Variants in VAV3 observed in about 807,000 individuals in gnomAD.
VAV3 encodes the protein guanine nucleotide exchange factor VAV3.
In VAV3, 94 loss-of-function variants were observed where a neutral mutation model predicts 131.2. The ratio of observed to expected loss-of-function variants is 0.72; its 90% CI spans 0.61 to 0.85. The LOEUF is 0.85. Ranked by LOEUF, VAV3 falls within the 40% of genes least tolerant of loss-of-function variation. The pLI is 0.00. For missense variants in VAV3, 939 were observed against 1,002.7 expected (o/e 0.94, Z 0.86); for synonymous variants, 349 against 342.0 (o/e 1.02, Z -0.22).
At chr1:107,593,845 G>C (rs1172971645) in intron 25 of VAV3, among the ~76,000 whole-genome samples, 1 of 152,030 alleles carries the variant, frequency 6.6e-6, no homozygotes, top group East Asian at 1.9e-4. Flanking sequence ...AGAAATATAG[G>C]AAAGTACTGT....
At chr1:107,903,129 G>A (rs527638408) in intron 1 of VAV3, among the ~76,000 whole-genome samples, 1 of 152,226 alleles carries the variant, frequency 6.6e-6, no homozygotes, top group Non-Finnish European at 1.5e-5. Context: ...ACATGGGAAT[G>A]TGCTATAGAG....
chr1:107,606,088 A>G (rs193094185), intron 22 of VAV3, among the ~76,000 whole-genome samples: 9 of 152,114 alleles, frequency 5.9e-5, no homozygotes, highest in Non-Finnish European at 1.0e-4. Context: ...CTCTTCCTTG[A>G]TTTACTAGCT....
intron 25 of VAV3, among the ~76,000 whole-genome samples, chr1:107,580,319 C>A (rs530437840): frequency 6.6e-6 from 1 of 152,250 alleles, no homozygotes; most frequent in South Asian, 2.1e-4. Context: ...CCAACAAAGG[C>A]CAGCAAAACA....
At chr1:107,698,893 C>G (rs1348862891) in intron 17 of VAV3, among the ~76,000 whole-genome samples, 1 of 152,142 alleles carries the variant, frequency 6.6e-6, no homozygotes, top group Admixed American at 6.5e-5. Context: ...AGAACTTATT[C>G]ACTATCATGA....
chr1:107,697,660 A>T (rs944792992), intron 17 of VAV3, among the ~76,000 whole-genome samples: 1 of 152,154 alleles, frequency 6.6e-6, no homozygotes, highest in South Asian at 2.1e-4. Flanking sequence ...TTATTTTCAT[A>T]TATTTATGAC....
chr1:107,782,220 C>T (rs1053539195), intron 2 of VAV3, among the ~76,000 whole-genome samples: 2 of 152,122 alleles, frequency 1.3e-5, no homozygotes, highest in African/African-American at 2.4e-5. Context: ...TTTTATATAG[C>T]AATGCATTTT....
intron 15 of VAV3, among the ~76,000 whole-genome samples, chr1:107,737,499 A>C (rs1237237039): frequency 6.6e-6 from 1 of 152,238 alleles, no homozygotes; most frequent in African/African-American, 2.4e-5. Flanking sequence ...GAACTCAAAC[A>C]AATTTACAAG....
Position 107,768,497 on chromosome 1 carries a change from G to A in VAV3, c.661C>T (p.Pro221Ser). ...GCTGCTGTCAGAAATCTTTTTAGTG[G>A]TGCCATGAAATACTACCAGGAAAGA... ...LESIEKYFMAPLKRFLTAAEF... is the reference protein window; with the variant it reads ...LESIEKYFMASLKRFLTAAEF... The change falls in exon 7 of 27, where the codon CCA becomes TCA. Residue 221 changes from proline (P) to serine (S), a missense_variant. Coordinates refer to ENST00000370056, the MANE Select transcript of VAV3 (RefSeq NM_006113.5). 2 of 1,611,918 alleles carry A rather than the reference G, an allele frequency of 1.2e-6. No homozygotes were observed. Among genetic ancestry groups the A allele is most frequent in the East Asian group, 2.2e-5 (1 of 44,690 alleles).
chr1:107,944,227 C>T (rs1462885901), intron 1 of VAV3, among the ~76,000 whole-genome samples: 2 of 152,238 alleles, frequency 1.3e-5, no homozygotes, highest in Non-Finnish European at 2.9e-5. Flanking sequence ...CTCTCATCTT[C>T]TACTTACCCT....
intron 2 of VAV3, among the ~76,000 whole-genome samples, chr1:107,853,770 A>G (rs1443160210): frequency 6.6e-6 from 1 of 152,196 alleles, no homozygotes; most frequent in African/African-American, 2.4e-5. Flanking sequence ...ACACAATCCT[A>G]TATTAGGGCT....
At chr1:107,905,626 A>C (rs1672069485) in intron 1 of VAV3, among the ~76,000 whole-genome samples, 1 of 152,206 alleles carries the variant, frequency 6.6e-6, no homozygotes, top group Non-Finnish European at 1.5e-5. Flanking sequence ...AAGACATGGG[A>C]AATACTTTAA....
intron 1 of VAV3, among the ~76,000 whole-genome samples, chr1:107,912,907 A>G (rs1672435183): frequency 1.3e-5 from 2 of 152,206 alleles, no homozygotes; most frequent in African/African-American, 4.8e-5. Context: ...TTTCCACAGC[A>G]TCAAAACCAC....
At chr1:107,914,711 C>A (rs1459358949) in intron 1 of VAV3, among the ~76,000 whole-genome samples, 1 of 152,204 alleles carries the variant, frequency 6.6e-6, no homozygotes, top group Non-Finnish European at 1.5e-5. Context: ...AAATTTACTT[C>A]AAGCCTCAAT....
intron 2 of VAV3, among the ~76,000 whole-genome samples, chr1:107,812,708 A>G (rs1255006711): frequency 1.3e-5 from 2 of 152,230 alleles, no homozygotes; most frequent in Admixed American, 6.5e-5. Flanking sequence ...TCATCAACCA[A>G]GAACCTATTA....
At chr1:107,662,763 A>G (rs972376315) in intron 19 of VAV3, among the ~76,000 whole-genome samples, 3 of 152,214 alleles carry the variant, frequency 2.0e-5, no homozygotes, top group Admixed American at 1.3e-4. Context: ...CCTAATGGGT[A>G]GAAAAAGACA....
At chr1:107,820,258 C>T (rs1283229146) in intron 2 of VAV3, among the ~76,000 whole-genome samples, 1 of 152,098 alleles carries the variant, frequency 6.6e-6, no homozygotes, top group Non-Finnish European at 1.5e-5. Flanking sequence ...TACATATACA[C>T]AATAGAGTAC....
At chr1:107,685,078 AT>A (rs1268229218) in intron 18 of VAV3, among the ~76,000 whole-genome samples, 3 of 152,282 alleles carry the variant, frequency 2.0e-5, no homozygotes, top group Middle Eastern at 3.4e-3. Context: ...AAAAAAATGA[AT>A]TTAACTCTTT....
At chr1:107,577,917 A>T (rs1385684680) in intron 25 of VAV3, among the ~76,000 whole-genome samples, 1 of 152,222 alleles carries the variant, frequency 6.6e-6, no homozygotes, top group East Asian at 1.9e-4. Flanking sequence ...TTCTACAGCC[A>T]AGCATGAGGT....
At chr1:107,663,909 G>A (rs527520806) in intron 19 of VAV3, among the ~76,000 whole-genome samples, 2 of 151,850 alleles carry the variant, frequency 1.3e-5, no homozygotes, top group Non-Finnish European at 2.9e-5. Flanking sequence ...TGATGCTGTG[G>A]GTTTGAAATC....
Sources: gnomAD v4.1 joint callset for allele counts (sites outside exome capture counted in the v4.1 genomes callset) on GRCh38, gnomAD v4.1.1 for gene constraint, MANE v1.5 for transcripts, NCBI Gene and HGNC (gene_info 2026-07-23, HGNC 2026-07-21) for gene names.